ITGA5: variants seen among roughly 807,000 people sequenced by gnomAD.
ITGA5 encodes integrin subunit alpha 5, also known as integrin alpha-5.
In ITGA5, 55 loss-of-function variants were observed where a neutral mutation model predicts 146.3. The observed-to-expected ratio is 0.38, with a 90% CI of 0.30 to 0.47. The LOEUF is 0.47. Among genes scored for constraint, ITGA5 ranks in the 20% least tolerant of loss-of-function variants. The pLI, the probability that ITGA5 is intolerant of heterozygous loss-of-function variation, is 0.99. For missense variants in ITGA5, 1,131 were observed against 1,329.0 expected (o/e 0.85, Z 2.32); for synonymous variants, 500 against 531.8 (o/e 0.94, Z 0.82).
intron 11 of ITGA5, 77 bp from the exon 12 acceptor site, chr12:54,405,451 G>A (rs150044026): frequency 3.2e-5 from 40 of 1,239,112 alleles, no homozygotes; most frequent in East Asian, 2.8e-4. Flanking sequence ...TAGAAATCCC[G>A]GACACTCTGA....
chr12:54,401,704 C>T lies in ITGA5; in HGVS notation c.2307-39G>A, dbSNP rs564781210. ...GCAAGACTGAGGTGCTGGAGTGCAG[C>T]CAGTGAGAATGGCGCCCAGCCCTCC... On this transcript the variant is annotated intron_variant, in intron 22 of 29. Coordinates refer to ENST00000293379, the MANE Select transcript of ITGA5 (RefSeq NM_002205.5). The surrounding 1 kb of genome is among the most constrained non-coding windows in gnomAD (Gnocchi z 5.0). 6.2e-7 allele frequency: 1 copy of T among 1,611,948 alleles called. No individual in the cohort carries two copies. The highest frequency in any genetic ancestry group is 1.3e-5 in the African/African-American group (1 of 74,944).
Position 54,404,469 on chromosome 12 carries a change from A to G in ITGA5, c.1424T>C (p.Ile475Thr), listed in dbSNP as rs577974426. 64 of 1,614,170 alleles carry G rather than the reference A, an allele frequency of 4.0e-5. 1 individual carries two copies. The South Asian group carries it at 6.4e-4, about 16-fold the overall frequency. ...CTTGTCCACACCAAAGGACCCCACA[A>G]TCAGATCTGTAAGAAGTCAAGAAAT... Reference protein sequence around the residue: ...DLDGNGYPDLIVGSFGVDKAV... With the variant: ...DLDGNGYPDLTVGSFGVDKAV... The change falls in exon 14 of 30, where the codon ATT (isoleucine) becomes ACT (threonine). Residue 475 changes from isoleucine to threonine, a missense_variant. Transcript: ENST00000293379.
intron 1 of ITGA5, 82 bp from the exon 2 acceptor site, chr12:54,412,046 T>A: frequency 8.3e-7 from 1 of 1,210,748 alleles, no homozygotes; most frequent in Non-Finnish European, 1.1e-6. Flanking sequence ...CCCAGGCCTC[T>A]AGGCTGGGGC....
intron 28 of ITGA5, 81 bp downstream of exon 28, chr12:54,398,516 C>T: frequency 1.0e-6 from 1 of 963,150 alleles, no homozygotes; most frequent in Non-Finnish European, 1.6e-6. Flanking sequence ...ATACCAAGGC[C>T]AGCCCTCACC....
At chr12:54,405,096 C>A in intron 12 of ITGA5, 70 bp downstream of exon 12, 6 of 1,391,442 alleles carry the variant, frequency 4.3e-6, no homozygotes, top group Non-Finnish European at 4.9e-6. Context: ...CTGACAGATG[C>A]CCTCTCCCCA....
chr12:54,404,544 C>T, intron 13 of ITGA5, 69 bp from the exon 14 acceptor site: 1 of 1,577,204 alleles, frequency 6.3e-7, no homozygotes, highest in African/African-American at 1.3e-5. Context: ...CTAACCCCTC[C>T]TGGTTTCAAC....
intron 2 of ITGA5, among the ~76,000 whole-genome samples, chr12:54,410,347 C>CTTTT (rs68135389): frequency 1.2e-4 from 16 of 132,994 alleles, no homozygotes; most frequent in Middle Eastern, 4.1e-3. Flanking sequence ...GTTCCACCTC[C>CTTTT]TTTTTTTTTT....
chr12:54,402,595 G>T (rs1257976408), intron 19 of ITGA5, among the ~76,000 whole-genome samples: 1 of 151,892 alleles, frequency 6.6e-6, no homozygotes, highest in Non-Finnish European at 1.5e-5. Flanking sequence ...CAGCTACTTG[G>T]GACGCTGAGG....
Position 54,404,039 on chromosome 12 carries a change from C to A in ITGA5, c.1566-73G>T, listed in dbSNP as rs1011459477. The A allele has an allele frequency of 7.0e-6, 11 of 1,577,036 alleles. No homozygotes were observed. The East Asian group carries it at 2.0e-4, about 29-fold the overall frequency. The stretch of plus-strand genomic sequence containing the variant: ...ATCCTATCCTCTACCTATCTCCCAG[C>A]CAGACCCAGACTAGGACACCACCAT... On this transcript the variant is annotated intron_variant, in intron 15 of 29. Transcript: ENST00000293379.
intron 1 of ITGA5, among the ~76,000 whole-genome samples, chr12:54,415,336 A>C (rs756019446): frequency 1.3e-5 from 2 of 152,194 alleles, no homozygotes; most frequent in Admixed American, 1.3e-4. Context: ...GCTAGAAGGC[A>C]CTGTAGAGAG....
In ITGA5 at chr12:54,397,470, T is replaced by A; in HGVS notation, c.2961A>T (p.Gln987His). The part of the protein sequence containing the change: ...QKERQVATAV[Q>H]WTKAEGSYGV... ...CATAGCTGCCTTCTGCCTTGGTCCA[T>A]TGCACAGCTGTGGCCACCTGGGGAG... is the stretch of plus-strand genomic sequence containing the variant. The change falls in exon 29 of 30, where the codon CAA (glutamine) becomes CAT (histidine). Residue 987 changes from glutamine (Q) to histidine (H), a missense_variant. Gln to His is a conservative substitution (Grantham distance 24). Transcript: ENST00000293379. The A allele has an allele frequency of 6.2e-7, 1 of 1,614,118 alleles. No homozygotes were observed.
chr12:54,419,152 C>T lies in ITGA5; in HGVS notation c.47G>A (p.Arg16His), dbSNP rs752230652. ...PESPLHAVQLRWGPRRRPPLL... is the reference protein window; with the variant it reads ...PESPLHAVQLHWGPRRRPPLL... ...CGGGGGTCGGCGCCGGGGGCCCCAG[C>T]GCAGCTGCACGGCGTGGAGAGGGGA... Residue 16 changes from arginine to histidine, a missense_variant, in exon 1 of 30, where the codon CGC (arginine) becomes CAC (histidine). Coordinates refer to ENST00000293379, the MANE Select transcript of ITGA5 (RefSeq NM_002205.5). 8 of 1,585,434 alleles carry T rather than the reference C, an allele frequency of 5.0e-6. No individual in the cohort carries two copies. In the Admixed American group the frequency reaches 1.1e-4, roughly 22 times the overall value.
chr12:54,419,216 G>A lies in ITGA5; in HGVS notation c.-18C>T. The A allele has an allele frequency of 6.4e-7, 1 of 1,550,608 alleles. No individual in the cohort carries two copies. Among genetic ancestry groups the A allele is most frequent in the Non-Finnish European group, 8.7e-7 (1 of 1,148,298 alleles). ...CTCCCCATAGCGCCCGCTCTTCCCTGTCCTGGGGCCACCGACCCGGAGCCG... is the reference window on the plus strand; with the variant it reads ...CTCCCCATAGCGCCCGCTCTTCCCTATCCTGGGGCCACCGACCCGGAGCCG... On this transcript the variant is annotated 5_prime_UTR_variant, in exon 1 of 30. Transcript: ENST00000293379.
At chr12:54,407,426 C>G (rs1398042984) in intron 9 of ITGA5, 1 of 589,646 alleles carries the variant, frequency 1.7e-6, no homozygotes, top group Non-Finnish European at 3.1e-6. Context: ...GATTGTTATC[C>G]CAGTATACAG....
Position 54,404,828 on chromosome 12 carries a change from C to T in ITGA5, c.1292G>A (p.Gly431Asp). The T allele has an allele frequency of 2.5e-6, 4 of 1,611,700 alleles. No individual in the cohort carries two copies. The highest frequency in any genetic ancestry group is 3.4e-6 in the Non-Finnish European group (4 of 1,178,980). The change falls in exon 13 of 30, where the codon GGC (glycine) becomes GAC (aspartate). Residue 431 changes from glycine (G) to aspartate (D), a missense_variant. Around this residue, in one of 3 missense-constraint regions of ITGA5, gnomAD observed 889 missense variants for 1,021.5 expected, o/e 0.87. Transcript: ENST00000293379. ...QQGVVFVFPG[G>D]PGGLGSKPSQ... ...AGGCTTAGAGCCCAGCCCTCCTGGG[C>T]CCCCAGGAAATACAAACACTACTCC...
rs1419603925 is a variant in ITGA5 at position 54,419,070 on chromosome 12, G to A, written c.129C>T (p.Asn43=). ...LPPPPRVGGF[N]LDAEAPAVLS... ...GTACTGCTGGGGCCTCCGCGTCTAA[G>A]TTGAAGCCCCCGACCCTGGGTGGCG... The change falls in exon 1 of 30, where the codon AAC becomes AAT. Residue 43 remains asparagine, a synonymous_variant. Coordinates refer to ENST00000293379, the MANE Select transcript of ITGA5 (RefSeq NM_002205.5). The A allele has an allele frequency of 1.9e-6, 3 of 1,584,430 alleles. No individual in the cohort carries two copies. Among genetic ancestry groups the A allele is most frequent in the Non-Finnish European group, 2.6e-6 (3 of 1,169,170 alleles).
chr12:54,412,075 A>G lies in ITGA5; in HGVS notation c.219-111T>C, dbSNP rs964535119. 7 of 788,656 alleles carry G rather than the reference A, an allele frequency of 8.9e-6. No individual in the cohort carries two copies. In the Admixed American group the frequency reaches 2.1e-4, roughly 24 times the overall value. The allele number at this position is 788,656 out of a possible 1,614,324, so 48.9% of individuals were successfully genotyped here. A position where few individuals can be genotyped will look rare whatever the true frequency, so the allele number is the denominator to read the frequency against. ...CTGGGGCTGGCTGGGGGTGGAGTAG[A>G]TGCCCCCTGCGTTGTATTTATATCT... On this transcript the variant is annotated intron_variant, in intron 1 of 29. Coordinates refer to ENST00000293379, the MANE Select transcript of ITGA5 (RefSeq NM_002205.5).
intron 2 of ITGA5, among the ~76,000 whole-genome samples, chr12:54,410,347 C>T (rs1955927005): frequency 7.5e-6 from 1 of 132,998 alleles, no homozygotes; most frequent in African/African-American, 2.8e-5. Context: ...GTTCCACCTC[C>T]TTTTTTTTTT....
At position 54,408,754 on chromosome 12, in the gene ITGA5, A is replaced by G; in HGVS notation, c.691+2T>C. 1 of 1,605,428 alleles carries G rather than the reference A, an allele frequency of 6.2e-7. No individual in the cohort carries two copies. ...AAAAAGAATGGCAGAGACAGGACTT[A>G]CCTTGCCAGAAATAGCTTCCTGGTC... On this transcript the variant is annotated splice_donor_variant, in intron 6 of 29. Transcript: ENST00000293379. LOFTEE classifies it high-confidence loss of function.
Sources: allele counts gnomAD v4.1 joint callset (sites outside exome capture counted in the v4.1 genomes callset), GRCh38; gene constraint gnomAD v4.1.1; regional missense constraint gnomAD v4.1.1; non-coding constraint Gnocchi (gnomAD v3.1); transcripts MANE v1.5; gene names NCBI Gene and HGNC (gene_info 2026-07-23, HGNC 2026-07-21).